NAE1: variants seen among roughly 807,000 people sequenced by gnomAD.
NAE1 encodes NEDD8-activating enzyme E1 regulatory subunit.
A neutral mutation model predicts 88.0 loss-of-function variants in NAE1; 59 were observed. That is an observed-to-expected ratio of 0.67 (90% CI 0.54 to 0.83). The LOEUF is 0.83. Among genes scored for constraint, NAE1 ranks in the 40% least tolerant of loss-of-function variants. The pLI, the probability that NAE1 is intolerant of heterozygous loss-of-function variation, is 0.00. For missense variants in NAE1, 554 were observed against 632.8 expected, an observed-to-expected ratio of 0.88 and a Z score of 1.34; for synonymous variants, 186 against 208.9, an observed-to-expected ratio of 0.89 and a Z score of 0.95.
At chr16:66,812,798 C>A (rs529042865) in intron 13 of NAE1, among the ~76,000 whole-genome samples, 1 of 149,504 alleles carries the variant, frequency 6.7e-6, no homozygotes, top group African/African-American at 2.5e-5. Flanking sequence ...GGATTACAGG[C>A]GTGAGCCACC....
intron 11 of NAE1, among the ~76,000 whole-genome samples, chr16:66,816,073 T>C (rs1288800805): frequency 2.6e-5 from 4 of 152,222 alleles, no homozygotes; most frequent in African/African-American, 2.4e-5. Context: ...ATTTGCTGTT[T>C]TAAGTTACAA....
At chr16:66,811,901 G>A (rs1959817435) in intron 13 of NAE1, among the ~76,000 whole-genome samples, 1 of 152,074 alleles carries the variant, frequency 6.6e-6, no homozygotes, top group African/African-American at 2.4e-5. Context: ...AATCTGTCTG[G>A]GGAAGAGAGA....
intron 1 of NAE1, among the ~76,000 whole-genome samples, chr16:66,829,829 T>C (rs571488867): frequency 6.6e-6 from 1 of 152,326 alleles, no homozygotes; most frequent in African/African-American, 2.4e-5. Flanking sequence ...GCACAAGCAA[T>C]GAGGCTAGTG....
At position 66,810,878 on chromosome 16, in the gene NAE1, C is replaced by G. The variant is rs1456037090; in HGVS notation, c.1035-106G>C. ...TTCCTTTTCATGAAAAAACACAGGT[C>G]TGACAATGTATGAAATGTGAAAATG... On this transcript the variant is annotated intron_variant, in intron 13 of 19. Transcript: ENST00000290810. The G allele has an allele frequency of 3.3e-6, 3 of 910,646 alleles. No individual in the cohort carries two copies. The Admixed American group carries it at 5.9e-5, about 18-fold the overall frequency. The allele number at this position is 910,646 out of a possible 1,614,324, so 56.4% of individuals were successfully genotyped here. A position where few individuals can be genotyped will look rare whatever the true frequency, so the allele number is the denominator to read the frequency against.
chr16:66,821,910 C>A lies in NAE1; in HGVS notation c.402-351G>T, dbSNP rs562617927. 3.3e-5 allele frequency among the ~76,000 whole-genome samples: 5 copies of A among 152,298 alleles called. No individual in the cohort carries two copies. The South Asian group carries it at 1.0e-3, about 32-fold the overall frequency. On this transcript the variant is annotated intron_variant, in intron 6 of 19. Coordinates refer to ENST00000290810, the MANE Select transcript of NAE1 (RefSeq NM_003905.4). ...AATTCCAATAACCAATTCTCTGTTG[C>A]CCAGGCTGGAGTGCAGTGGCATGAT...
intron 3 of NAE1, among the ~76,000 whole-genome samples, chr16:66,825,625 C>T (rs1317601948): frequency 3.3e-5 from 5 of 152,042 alleles, no homozygotes; most frequent in Non-Finnish European, 5.9e-5. Context: ...CAGCTCTTAT[C>T]GTTCCCTAGA....
At chr16:66,813,534 C>G in intron 13 of NAE1, 30 bp downstream of exon 13, 3 of 1,576,372 alleles carry the variant, frequency 1.9e-6, no homozygotes. Flanking sequence ...CAGACTTTTT[C>G]TATTACATAG....
intron 11 of NAE1, among the ~76,000 whole-genome samples, chr16:66,815,190 C>A (rs993345504): frequency 3.9e-5 from 6 of 152,170 alleles, no homozygotes; most frequent in African/African-American, 1.4e-4. Context: ...TTACTGCCCC[C>A]CAACTATTAG....
chr16:66,820,208 T>C (rs1960194448), intron 7 of NAE1, among the ~76,000 whole-genome samples: 1 of 152,220 alleles, frequency 6.6e-6, no homozygotes, highest in African/African-American at 2.4e-5. Flanking sequence ...GCAGAGTGCT[T>C]GGCTCATAGT....
At chr16:66,826,448 T>C in intron 3 of NAE1, 75 bp downstream of exon 3, 1 of 1,386,280 alleles carries the variant, frequency 7.2e-7, no homozygotes, top group Non-Finnish European at 1.0e-6. Flanking sequence ...CGAGTCACCC[T>C]GACTGAGGAG....
At chr16:66,821,238 T>C (rs1567494650) in intron 7 of NAE1, among the ~76,000 whole-genome samples, 1 of 152,216 alleles carries the variant, frequency 6.6e-6, no homozygotes, top group African/African-American at 2.4e-5. Context: ...GAAGAAGCTG[T>C]GCCTGTGGTA....
At position 66,803,126 on chromosome 16, in the gene NAE1, G is replaced by A; in HGVS notation, c.1496-8C>T. On this transcript the variant is annotated splice_region_variant and splice_polypyrimidine_tract_variant and intron_variant, in intron 19 of 19. Transcript: ENST00000290810. The stretch of plus-strand genomic sequence containing the variant: ...CCTCTTGAGCAGCAGCTCCTGAAAG[G>A]AAAAAGGAGAAAAGCAAATCTTTGA... 1.3e-6 allele frequency: 2 copies of A among 1,535,048 alleles called. No homozygotes were observed. The highest frequency in any genetic ancestry group is 1.1e-5 in the South Asian group (1 of 88,928).
At chr16:66,825,125 G>T (rs1035517127) in intron 3 of NAE1, among the ~76,000 whole-genome samples, 3 of 152,202 alleles carry the variant, frequency 2.0e-5, no homozygotes, top group African/African-American at 7.2e-5. Flanking sequence ...AAGATCCTCT[G>T]AGAGAAAAGG....
chr16:66,829,826 C>G (rs1445881788), intron 1 of NAE1, among the ~76,000 whole-genome samples: 2 of 152,220 alleles, frequency 1.3e-5, no homozygotes, highest in Non-Finnish European at 2.9e-5. Context: ...TGAGCACAAG[C>G]AATGAGGCTA....
At chr16:66,824,959 G>A in intron 3 of NAE1, 74 bp from the exon 4 acceptor site, 3 of 1,306,158 alleles carry the variant, frequency 2.3e-6, no homozygotes, top group Non-Finnish European at 3.2e-6. Flanking sequence ...GTAATAGCAT[G>A]CATATTTCAT....
rs780231539 is a variant in NAE1, at chr16:66,818,535, T to C, written c.614A>G (p.Glu205Gly). The C allele has an allele frequency of 2.5e-6, 4 of 1,608,316 alleles. No individual in the cohort carries two copies. In the South Asian group the frequency reaches 3.3e-5, roughly 13 times the overall value. The change falls in exon 8 of 20, where the codon GAA (glutamate) becomes GGA (glycine). Residue 205 changes from glutamate to glycine, a missense_variant. Physicochemically the swap from Glu to Gly is moderately conservative, Grantham distance 98. Transcript: ENST00000290810. ...GTCACACACACTACCAACCTTTTTT[T>C]CCATATGATCCAAATCATAGGACTG... ...HFQSYDLDHM[E>G]KKDHSHTPWI...
Position 66,826,762 on chromosome 16 carries a change from C to T in NAE1, c.72G>A (p.Gly24=), listed in dbSNP as rs1431226673. 1 of 1,613,266 alleles carries T rather than the reference C, an allele frequency of 6.2e-7. No individual in the cohort carries two copies. The highest frequency in any genetic ancestry group is 2.2e-5 in the East Asian group (1 of 44,884). The change falls in exon 2 of 20, where the codon GGG becomes GGA. Residue 24 remains glycine (G), a synonymous_variant. Coordinates refer to ENST00000290810, the MANE Select transcript of NAE1 (RefSeq NM_003905.4). ...DRQLRLWGDH[G]QEALESAHVC... Reference sequence around the variant, plus strand: ...CATGAGCAGATTCTAAAGCCTCTTGCCCATGATCACCCCACAACCTACAAA... The same window carrying T: ...CATGAGCAGATTCTAAAGCCTCTTGTCCATGATCACCCCACAACCTACAAA...
intron 19 of NAE1, among the ~76,000 whole-genome samples, chr16:66,804,516 T>C (rs1175079239): frequency 1.3e-5 from 2 of 152,246 alleles, no homozygotes; most frequent in African/African-American, 2.4e-5. Flanking sequence ...CATTTACATT[T>C]TGAACACTTC....
intron 7 of NAE1, among the ~76,000 whole-genome samples, chr16:66,819,899 A>T (rs1427846881): frequency 6.6e-6 from 1 of 151,962 alleles, no homozygotes; most frequent in Admixed American, 6.6e-5. Flanking sequence ...AAAAGAACAC[A>T]CTCTCTCTTA....
Sources: allele counts gnomAD v4.1 joint callset (sites outside exome capture counted in the v4.1 genomes callset), GRCh38; gene constraint gnomAD v4.1.1; transcripts MANE v1.5; gene names NCBI Gene and HGNC (gene_info 2026-07-23, HGNC 2026-07-21).